Variants in CHKA observed in about 807,000 individuals in gnomAD.
CHKA encodes the protein choline kinase alpha.
A neutral mutation model predicts 60.1 loss-of-function variants in CHKA; 34 were observed. The observed-to-expected ratio is 0.57, with a 90% CI of 0.43 to 0.75. CHKA has a LOEUF of 0.75. Ranked by LOEUF, CHKA falls within the 30% of genes least tolerant of loss-of-function variation. The pLI, the probability that CHKA is intolerant of heterozygous loss-of-function variation, is 0.00. For missense variants in CHKA, 563 were observed against 561.3 expected (o/e 1.00, Z -0.03); for synonymous variants, 217 against 223.1 (o/e 0.97, Z 0.24).
chr11:68,119,999 C>A lies in CHKA; in HGVS notation c.350+829G>T, dbSNP rs561514791. On this transcript the variant is annotated intron_variant, in intron 1 of 11. Coordinates refer to ENST00000265689, the MANE Select transcript of CHKA (RefSeq NM_001277.3). ...ATCCCAACATTTTGGGAGGTCGAAG[C>A]GGGTGGATCACCTGAGGTCGGGAGT... Among the ~76,000 whole-genome samples the A allele has an allele frequency of 6.6e-5, 10 of 152,224 alleles. 1 individual carries two copies. The East Asian group carries it at 1.9e-3, about 29-fold the overall frequency.
intron 2 of CHKA, among the ~76,000 whole-genome samples, chr11:68,086,669 C>A (rs544614006): frequency 8.5e-4 from 130 of 152,296 alleles, no homozygotes; most frequent in African/African-American, 2.6e-3. Context: ...AAGAAAGTGT[C>A]ATTAAGTCAC....
intron 2 of CHKA, among the ~76,000 whole-genome samples, chr11:68,094,547 TAA>T (rs1053071184): frequency 6.6e-6 from 1 of 152,098 alleles, no homozygotes; most frequent in Admixed American, 6.6e-5. Flanking sequence ...TCTCAAAAAA[TAA>T]AGGCACACCA....
intron 1 of CHKA, among the ~76,000 whole-genome samples, chr11:68,108,057 G>A (rs943340308): frequency 2.6e-5 from 4 of 152,194 alleles, no homozygotes; most frequent in East Asian, 1.9e-4. Context: ...ACAGGCTGAC[G>A]GGGCTCCACT....
At chr11:68,057,945 G>A (rs562109723) in intron 11 of CHKA, among the ~76,000 whole-genome samples, 1 of 152,114 alleles carries the variant, frequency 6.6e-6, no homozygotes, top group Non-Finnish European at 1.5e-5. Flanking sequence ...TGCCCAGGCT[G>A]GAGTGCAGTG....
chr11:68,104,124 A>G (rs1857827336), intron 1 of CHKA, among the ~76,000 whole-genome samples: 1 of 152,150 alleles, frequency 6.6e-6, no homozygotes, highest in Non-Finnish European at 1.5e-5. Context: ...AATGTGGTAT[A>G]TATACACAGT....
chr11:68,120,863 G>A lies in CHKA; in HGVS notation c.315C>T (p.Gly105=). Residue 105 remains glycine (G), a synonymous_variant, in exon 1 of 12, where the codon GGC becomes GGT. Transcript: ENST00000265689. The part of the protein sequence containing the change: ...CKEFLPGAWR[G]LREDEFHISV... Reference sequence around the variant, plus strand: ...TGATGTGGAACTCGTCCTCGCGGAGGCCCCGCCAGGCGCCGGGCAGGAACT... The same window carrying A: ...TGATGTGGAACTCGTCCTCGCGGAGACCCCGCCAGGCGCCGGGCAGGAACT... The A allele has an allele frequency of 7.4e-7, 1 of 1,354,276 alleles. No homozygotes were observed. Among genetic ancestry groups the A allele is most frequent in the Non-Finnish European group, 9.6e-7 (1 of 1,038,708 alleles). The allele number at this position is 1,354,276 out of a possible 1,614,324, so 83.9% of individuals were successfully genotyped here.
At position 68,053,436 on chromosome 11, in the gene CHKA, G is replaced by A. The variant is rs1855875098; in HGVS notation, c.*552C>T. On this transcript the variant is annotated 3_prime_UTR_variant, in exon 12 of 12. Coordinates refer to ENST00000265689, the MANE Select transcript of CHKA (RefSeq NM_001277.3). The stretch of plus-strand genomic sequence containing the variant: ...AATCCGCTGCTCCAGCTTCAGCCAT[G>A]GGACCAAGAGGGTAAAGGAGCAGCT... The A allele has an allele frequency of 6.5e-6, 1 of 152,862 alleles. No individual in the cohort carries two copies. The highest frequency in any genetic ancestry group is 6.5e-5 in the Admixed American group (1 of 15,340). The allele number at this position is 152,862 out of a possible 1,614,324, so 9.5% of individuals were successfully genotyped here.
At chr11:68,054,197 C>T (rs957378812) in intron 11 of CHKA, 150 bp from the exon 12 acceptor site, 27 of 641,318 alleles carry the variant, frequency 4.2e-5, no homozygotes, top group Non-Finnish European at 6.3e-5. Flanking sequence ...CAGGGCTGCT[C>T]GGGGGCCTCG....
chr11:68,115,242 A>C (rs975445894), intron 1 of CHKA, among the ~76,000 whole-genome samples: 2 of 152,238 alleles, frequency 1.3e-5, no homozygotes, highest in African/African-American at 4.8e-5. Flanking sequence ...AATGCATTTC[A>C]ATTTATGATG....
At chr11:68,106,488 G>C (rs1857920060) in intron 1 of CHKA, among the ~76,000 whole-genome samples, 1 of 151,622 alleles carries the variant, frequency 6.6e-6, no homozygotes, top group South Asian at 2.1e-4. Flanking sequence ...GGAAGGTTGG[G>C]GCTGCAGTGA....
intron 6 of CHKA, among the ~76,000 whole-genome samples, chr11:68,069,647 G>A (rs1856551146): frequency 6.7e-6 from 1 of 150,264 alleles, no homozygotes; most frequent in South Asian, 2.1e-4. Flanking sequence ...TCGCGCCACT[G>A]CACTCCAGCC....
chr11:68,088,110 CAAAAA>C (rs55932145), intron 2 of CHKA, among the ~76,000 whole-genome samples: 37 of 71,236 alleles, frequency 5.2e-4, no homozygotes, highest in African/African-American at 1.7e-3. Context: ...GAGGCTGTCT[CAAAAA>C]AAAAAAAAAA....
chr11:68,108,660 C>T (rs929569405), intron 1 of CHKA, among the ~76,000 whole-genome samples: 13 of 152,178 alleles, frequency 8.5e-5, no homozygotes, highest in Admixed American at 3.3e-4. Flanking sequence ...AAGAGAATGG[C>T]GTGAACCTGG....
At chr11:68,081,219 TACCC>T (rs1233097005) in intron 3 of CHKA, among the ~76,000 whole-genome samples, 181 bp downstream of exon 3, 1 of 152,128 alleles carries the variant, frequency 6.6e-6, no homozygotes, top group Non-Finnish European at 1.5e-5. Flanking sequence ...GAATGAGGAA[TACCC>T]ACCGCTCACT....
chr11:68,101,065 A>G (rs1377577018), intron 1 of CHKA, among the ~76,000 whole-genome samples: 1 of 144,892 alleles, frequency 6.9e-6, no homozygotes, highest in Non-Finnish European at 1.5e-5. Context: ...CTCCTGCCTC[A>G]GCCTCCCAAG....
chr11:68,086,926 C>A (rs1483923188), intron 2 of CHKA, among the ~76,000 whole-genome samples: 1 of 152,020 alleles, frequency 6.6e-6, no homozygotes, highest in African/African-American at 2.4e-5. Context: ...GCGGAGCTTG[C>A]AGTGAGCAGA....
intron 3 of CHKA, among the ~76,000 whole-genome samples, chr11:68,076,460 C>T (rs1198049930): frequency 6.6e-6 from 1 of 152,118 alleles, no homozygotes. Flanking sequence ...GTATCCGGGG[C>T]ATTTAAGCAA....
At chr11:68,072,136 G>A (rs1009599088) in intron 4 of CHKA, among the ~76,000 whole-genome samples, 1 of 152,190 alleles carries the variant, frequency 6.6e-6, no homozygotes, top group African/African-American at 2.4e-5. Context: ...TCCTTCCCCA[G>A]TAGAGAAAGA....
chr11:68,070,775 A>G lies in CHKA; in HGVS notation c.713T>C (p.Met238Thr). Residue 238 changes from methionine (M) to threonine (T), a missense_variant, in exon 5 of 12, where the codon ATG becomes ACG. Coordinates refer to ENST00000265689, the MANE Select transcript of CHKA (RefSeq NM_001277.3). ...TGGTTCCTTATTGAATGGCATTTTC[A>G]TACCATGAAATGTAGCCATTTTCTC... ...IAEKMATFHG[M>T]KMPFNKEPKW... 1.2e-6 allele frequency: 2 copies of G among 1,613,490 alleles called. No homozygotes were observed. Among genetic ancestry groups the G allele is most frequent in the Middle Eastern group, 1.7e-4 (1 of 6,056 alleles).
Sources: gnomAD v4.1 joint callset for allele counts (sites outside exome capture counted in the v4.1 genomes callset) on GRCh38, gnomAD v4.1.1 for gene constraint, MANE v1.5 for transcripts, NCBI Gene and HGNC (gene_info 2026-07-23, HGNC 2026-07-21) for gene names.